The following ADAM18 variants were observed in gnomAD, a reference collection of about 807,000 sequenced individuals.
ADAM18 encodes disintegrin and metalloproteinase domain-containing protein 18.
In ADAM18, 117 loss-of-function variants were observed where a neutral mutation model predicts 94.4. That is an observed-to-expected ratio of 1.24 (90% CI 1.07 to 1.45). The LOEUF is 1.45. ADAM18 is among the 40% of genes most tolerant of loss of function. The probability of loss-of-function intolerance (pLI) is 0.00; values close to 1 mark genes in which losing one functional copy is unlikely to be tolerated. For missense variants in ADAM18, 936 were observed against 880.0 expected (o/e 1.06, Z -0.81); for synonymous variants, 327 against 291.6 (o/e 1.12, Z -1.24).
rs566957687 is a variant in ADAM18, at chr8:39,590,203, A to G, written c.132+4851A>G. Among the ~76,000 whole-genome samples, 82 of 152,052 alleles carry G rather than the reference A, an allele frequency of 5.4e-4. 2 individuals are homozygous for G. In the South Asian group the frequency reaches 0.015, roughly 29 times the overall value. The stretch of plus-strand genomic sequence containing the variant: ...ACCAACCCGAATGTCCAACAATGAT[A>G]GACTGGATTAAGAAAATGTGGCACA... On this transcript the variant is annotated intron_variant, in intron 2 of 19. Coordinates refer to ENST00000265707, the MANE Select transcript of ADAM18 (RefSeq NM_014237.3).
intron 16 of ADAM18, among the ~76,000 whole-genome samples, chr8:39,686,705 G>A (rs9298573): frequency 0.074 from 11,269 of 152,030 alleles, 1,290 homozygotes; most frequent in African/African-American, 0.24. Flanking sequence ...TCTGACATAC[G>A]AAAAACAACA....
In ADAM18 at chr8:39,668,007, G is replaced by A. The variant is rs767429612; in HGVS notation, c.1336G>A (p.Ala446Thr). 6.2e-7 allele frequency: 1 copy of A among 1,613,800 alleles called. No individual in the cohort carries two copies. Among genetic ancestry groups the A allele is most frequent in the Non-Finnish European group, 8.5e-7 (1 of 1,179,840 alleles). Residue 446 changes from alanine to threonine, a missense_variant, in exon 14 of 20, where the codon GCA becomes ACA. Transcript: ENST00000265707. ...TTCCTTTTCCTCCCAGTTGTCAATAGCAGGCACTCCATGTAGAAAGAGTAT... is the reference window on the plus strand; with the variant it reads ...TTCCTTTTCCTCCCAGTTGTCAATAACAGGCACTCCATGTAGAAAGAGTAT... ...CCTSKCELSIAGTPCRKSIDP... is the reference protein window; with the variant it reads ...CCTSKCELSITGTPCRKSIDP...
intron 6 of ADAM18, chr8:39,611,306 G>A: frequency 5.6e-6 from 3 of 532,426 alleles, no homozygotes; most frequent in Non-Finnish European, 7.2e-6. Flanking sequence ...TTATGGCAGT[G>A]TGCTTATCAT....
intron 12 of ADAM18, among the ~76,000 whole-genome samples, chr8:39,651,508 G>T (rs921187517): frequency 3.9e-5 from 6 of 152,164 alleles, no homozygotes; most frequent in Non-Finnish European, 7.3e-5. Context: ...ATTAGGGAGT[G>T]GTGATGACTC....
At chr8:39,590,722 A>G (rs183754912) in intron 2 of ADAM18, among the ~76,000 whole-genome samples, 13 of 152,322 alleles carry the variant, frequency 8.5e-5, no homozygotes, top group Non-Finnish European at 1.9e-4. Flanking sequence ...CTAAAATAAC[A>G]TTTTACATTG....
At position 39,609,410 on chromosome 8, in the gene ADAM18, T is replaced by C. The variant is rs906258688; in HGVS notation, c.268-75T>C. On this transcript the variant is annotated intron_variant, in intron 4 of 19. Transcript: ENST00000265707. ...TTATTAAATCTTTTAATATTTTGAA[T>C]CTTCTGACATGTTTGACAATACATT... 27 of 952,870 alleles carry C rather than the reference T, an allele frequency of 2.8e-5. No individual in the cohort carries two copies. In the East Asian group the frequency reaches 3.0e-4, roughly 11 times the overall value. 59.0% of individuals were successfully genotyped at this position (952,870 alleles called of 1,614,324 possible).
Position 39,629,407 on chromosome 8 carries a change from C to G in ADAM18, c.556C>G (p.Leu186Val). ...KNLSKLLPQY[L>V]EIYIIVEKAL... ...TCTTTCAAAACTATTACCCCAATAT[C>G]TGGAAATATACATTATAGTGGAAAA... Residue 186 changes from leucine to valine, a missense_variant, in exon 7 of 20, where the codon CTG becomes GTG. Leu to Val is a conservative substitution (Grantham distance 32). Coordinates refer to ENST00000265707, the MANE Select transcript of ADAM18 (RefSeq NM_014237.3). 2 of 1,585,760 alleles carry G rather than the reference C, an allele frequency of 1.3e-6. No individual in the cohort carries two copies. Among genetic ancestry groups the G allele is most frequent in the Non-Finnish European group, 1.7e-6 (2 of 1,164,100 alleles).
intron 11 of ADAM18, among the ~76,000 whole-genome samples, chr8:39,646,367 CAT>C (rs527378827): frequency 1.3e-5 from 2 of 151,978 alleles, no homozygotes; most frequent in South Asian, 4.1e-4. Context: ...TTTAATTAAA[CAT>C]AATTAAAAAC....
rs920806043 is a variant in ADAM18 at position 39,637,703 on chromosome 8, T to G, written c.827T>G (p.Val276Gly). Residue 276 changes from valine (V) to glycine (G), a missense_variant and splice_region_variant, in exon 9 of 20, where the codon GTT (valine) becomes GGT (glycine). Transcript: ENST00000265707. ...LRPHDIAYLL[V>G]YRKHPKYVGA... is the part of the protein sequence containing the mutation. ...CCCCATGACATAGCATACTTACTTG[T>G]GTAAGCACAATGTTCTACATTAATA... is the stretch of plus-strand genomic sequence containing the variant. The G allele has an allele frequency of 1.3e-6, 2 of 1,592,084 alleles. No individual in the cohort carries two copies. Among genetic ancestry groups the G allele is most frequent in the African/African-American group, 2.7e-5 (2 of 74,032 alleles).
At chr8:39,666,861 G>A (rs559552843) in intron 13 of ADAM18, among the ~76,000 whole-genome samples, 7 of 152,242 alleles carry the variant, frequency 4.6e-5, no homozygotes, top group African/African-American at 1.7e-4. Context: ...CAAACCGTAT[G>A]AAGTATTAAT....
Position 39,692,582 on chromosome 8 carries a change from T to C in ADAM18, c.1822-18T>C. 6.6e-7 allele frequency: 1 copy of C among 1,507,178 alleles called. No homozygotes were observed. The highest frequency in any genetic ancestry group is 9.0e-7 in the Non-Finnish European group (1 of 1,112,072). The allele number at this position is 1,507,178 out of a possible 1,614,324, so 93.4% of individuals were successfully genotyped here. A position where few individuals can be genotyped will look rare whatever the true frequency, so the allele number is the denominator to read the frequency against. On this transcript the variant is annotated intron_variant, in intron 16 of 19. Coordinates refer to ENST00000265707, the MANE Select transcript of ADAM18 (RefSeq NM_014237.3). ...ATGACATTTGTGAATTGTAAAATTTTTGTTTGTTTTGTTTTAGTACTGTGT... is the reference window on the plus strand; with the variant it reads ...ATGACATTTGTGAATTGTAAAATTTCTGTTTGTTTTGTTTTAGTACTGTGT...
intron 15 of ADAM18, 105 bp from the exon 16 acceptor site, chr8:39,679,932 G>T: frequency 9.2e-7 from 1 of 1,084,512 alleles, no homozygotes; most frequent in South Asian, 1.4e-5. Context: ...TTTTTCAGTT[G>T]TTATACTATC....
intron 18 of ADAM18, among the ~76,000 whole-genome samples, chr8:39,709,619 TC>T (rs1457714839): frequency 2.6e-5 from 4 of 152,118 alleles, no homozygotes; most frequent in Non-Finnish European, 4.4e-5. Context: ...ATTCATACAT[TC>T]CCTCCACAGA....
intron 7 of ADAM18, among the ~76,000 whole-genome samples, chr8:39,636,392 A>C (rs1340372472): frequency 6.6e-6 from 1 of 152,134 alleles, no homozygotes; most frequent in African/African-American, 2.4e-5. Flanking sequence ...TTTGAACTTT[A>C]TCTTTGGCCA....
chr8:39,601,596 T>C (rs981862163), intron 2 of ADAM18, among the ~76,000 whole-genome samples: 5 of 152,216 alleles, frequency 3.3e-5, no homozygotes, highest in African/African-American at 9.6e-5. Flanking sequence ...AATCAACCCA[T>C]GTCTCTGTGG....
intron 19 of ADAM18, among the ~76,000 whole-genome samples, chr8:39,725,602 A>G (rs1489259765): frequency 6.6e-6 from 1 of 152,164 alleles, no homozygotes; most frequent in African/African-American, 2.4e-5. Flanking sequence ...TGTCTGACAT[A>G]TTTCACACAA....
At chr8:39,611,275 G>T (rs1182600023) in intron 6 of ADAM18, 3 of 481,226 alleles carry the variant, frequency 6.2e-6, no homozygotes, top group Non-Finnish European at 8.1e-6. Flanking sequence ...TTTCTTTTGA[G>T]ATTCTTCCTT....
At chr8:39,619,946 A>G (rs1455615510) in intron 6 of ADAM18, among the ~76,000 whole-genome samples, 1 of 152,130 alleles carries the variant, frequency 6.6e-6, no homozygotes, top group Non-Finnish European at 1.5e-5. Flanking sequence ...ATCTTGAGCA[A>G]AAAGAGGAAA....
intron 13 of ADAM18, among the ~76,000 whole-genome samples, chr8:39,664,575 T>C (rs1820939820): frequency 6.6e-6 from 1 of 152,086 alleles, no homozygotes; most frequent in African/African-American, 2.4e-5. Flanking sequence ...CAAAAAGTTA[T>C]TAACTCTCAA....
Sources: gnomAD v4.1 joint callset for allele counts (sites outside exome capture counted in the v4.1 genomes callset) on GRCh38, gnomAD v4.1.1 for gene constraint, MANE v1.5 for transcripts, NCBI Gene and HGNC (gene_info 2026-07-23, HGNC 2026-07-21) for gene names.